The following SORCS2 variants were observed in gnomAD, a reference collection of about 807,000 sequenced individuals.
SORCS2 encodes the protein VPS10 domain-containing receptor SorCS2.
A neutral mutation model predicts 141.6 loss-of-function variants in SORCS2; 100 were observed. That is an observed-to-expected ratio of 0.71 (90% CI 0.60 to 0.83). The LOEUF (loss-of-function observed/expected upper bound fraction) is 0.83. SORCS2 is among the 40% of genes least tolerant of loss of function. The probability of loss-of-function intolerance (pLI) is 0.00; values close to 1 mark genes in which losing one functional copy is unlikely to be tolerated. For synonymous variants in SORCS2, 789 were observed against 676.9 expected (o/e 1.17, Z -2.57); for missense variants, 1,646 against 1,560.2 (o/e 1.05, Z -0.93).
chr4:7,681,205 C>A (rs528392353), intron 9 of SORCS2, among the ~76,000 whole-genome samples: 2 of 152,102 alleles, frequency 1.3e-5, no homozygotes, highest in Admixed American at 1.3e-4. Flanking sequence ...GGCCACATCC[C>A]GAGCCCCAGA....
rs992526732 is a variant in SORCS2 at position 7,531,406 on chromosome 4, T to C, written c.549-124T>C. The C allele has an allele frequency of 1.9e-5, 15 of 802,164 alleles. No individual in the cohort carries two copies. In the African/African-American group the frequency reaches 2.6e-4, roughly 14 times the overall value. 49.7% of individuals were successfully genotyped at this position (802,164 alleles called of 1,614,324 possible). ...TGCCCCCAGGCAGAGTGCCCAGGAC[T>C]GTACTCAGGGTGTCTGGGGCACTCG... On this transcript the variant is annotated intron_variant, in intron 2 of 26. Transcript: ENST00000507866.
intron 3 of SORCS2, among the ~76,000 whole-genome samples, chr4:7,633,755 A>G (rs975049284): frequency 1.3e-5 from 2 of 152,186 alleles, no homozygotes; most frequent in African/African-American, 2.4e-5. Flanking sequence ...CTGAGATGGC[A>G]TTGTTCATTC....
intron 1 of SORCS2, among the ~76,000 whole-genome samples, chr4:7,221,548 G>A (rs1439307897): frequency 1.3e-5 from 2 of 152,254 alleles, no homozygotes; most frequent in Non-Finnish European, 2.9e-5. Context: ...GAGCAGAACT[G>A]TTGCAGCCAC....
At chr4:7,387,771 TGC>T (rs1391295548) in intron 1 of SORCS2, among the ~76,000 whole-genome samples, 1 of 130,148 alleles carries the variant, frequency 7.7e-6, no homozygotes, top group Non-Finnish European at 1.6e-5. Flanking sequence ...AATACACACA[TGC>T]ACACACACAT....
intron 14 of SORCS2, among the ~76,000 whole-genome samples, chr4:7,707,043 G>T (rs1654965175): frequency 1.3e-5 from 2 of 152,200 alleles, no homozygotes. Context: ...GAGGTACCTT[G>T]AGCAAAACCT....
At chr4:7,435,236 CACTGTCCTCTCCTG>C (rs1188885618) in intron 2 of SORCS2, among the ~76,000 whole-genome samples, 1 of 152,186 alleles carries the variant, frequency 6.6e-6, no homozygotes, top group Non-Finnish European at 1.5e-5. Flanking sequence ...CCCTGCAGCT[CACTGTCCTCTCCTG>C]ACTTGTGTGG....
chr4:7,651,875 G>T (rs547735084), intron 4 of SORCS2, among the ~76,000 whole-genome samples: 1 of 152,336 alleles, frequency 6.6e-6, no homozygotes, highest in East Asian at 1.9e-4. Context: ...GACTCGGAAG[G>T]CACATTCTTC....
At chr4:7,370,336 A>T (rs1273542613) in intron 1 of SORCS2, among the ~76,000 whole-genome samples, 3 of 152,118 alleles carry the variant, frequency 2.0e-5, no homozygotes, top group African/African-American at 7.2e-5. Context: ...GGCAGAGGAG[A>T]TCTGGGCCCC....
chr4:7,604,546 G>T (rs553146511), intron 3 of SORCS2, among the ~76,000 whole-genome samples: 1 of 152,146 alleles, frequency 6.6e-6, no homozygotes, highest in African/African-American at 2.4e-5. Flanking sequence ...CTCCATCCCC[G>T]CCTCGGCCTC....
intron 1 of SORCS2, among the ~76,000 whole-genome samples, chr4:7,255,283 G>C (rs1713779875): frequency 6.6e-6 from 1 of 152,096 alleles, no homozygotes; most frequent in Non-Finnish European, 1.5e-5. Flanking sequence ...GCTAAGCAGG[G>C]AGAGCTTCCT....
intron 3 of SORCS2, among the ~76,000 whole-genome samples, chr4:7,628,665 G>A (rs1719680777): frequency 6.6e-6 from 1 of 152,114 alleles, no homozygotes; most frequent in Non-Finnish European, 1.5e-5. Context: ...CCCTGACCAT[G>A]TGGCCTCGTG....
intron 1 of SORCS2, among the ~76,000 whole-genome samples, chr4:7,368,891 C>T (rs548876879): frequency 1.3e-5 from 2 of 152,258 alleles, no homozygotes; most frequent in South Asian, 4.1e-4. Context: ...GAGAGTCTCA[C>T]GAGATCTGAT....
Position 7,711,349 on chromosome 4 carries a change from C to T in SORCS2, c.1869-1384C>T, listed in dbSNP as rs548811773. On this transcript the variant is annotated intron_variant, in intron 14 of 26. Transcript: ENST00000507866. The stretch of plus-strand genomic sequence containing the variant: ...AAATACCCTACAAAACCTCTTTCAA[C>T]ACCTCCCTAGAATGGGGTTGTCCTT... Among the ~76,000 whole-genome samples the T allele has an allele frequency of 5.9e-5, 9 of 152,350 alleles. No homozygotes were observed. The South Asian group carries it at 1.7e-3, about 28-fold the overall frequency.
intron 1 of SORCS2, among the ~76,000 whole-genome samples, chr4:7,392,883 T>C (rs987618231): frequency 1.7e-5 from 2 of 120,038 alleles, no homozygotes; most frequent in Admixed American, 9.4e-5. Flanking sequence ...AACAGTAATA[T>C]GGGCCCCTCC....
At chr4:7,709,182 C>T (rs1218780477) in intron 14 of SORCS2, among the ~76,000 whole-genome samples, 3 of 152,198 alleles carry the variant, frequency 2.0e-5, no homozygotes, top group African/African-American at 4.8e-5. Flanking sequence ...GGCCAGAACC[C>T]GCAGAGCCGC....
At chr4:7,276,768 C>T (rs1287292782) in intron 1 of SORCS2, among the ~76,000 whole-genome samples, 3 of 152,172 alleles carry the variant, frequency 2.0e-5, no homozygotes, top group Non-Finnish European at 2.9e-5. Context: ...TGTCTACTTC[C>T]CCTCCGGAAC....
At chr4:7,736,918 A>T in intron 25 of SORCS2, 151 bp from the exon 26 acceptor site, 1 of 932,956 alleles carries the variant, frequency 1.1e-6, no homozygotes, top group Non-Finnish European at 1.6e-6. Context: ...ATGGGGCAGG[A>T]GGCAAAACTT....
intron 1 of SORCS2, among the ~76,000 whole-genome samples, chr4:7,394,116 G>T (rs770602945): frequency 6.6e-6 from 1 of 152,162 alleles, no homozygotes. Flanking sequence ...CCAGTAGAAC[G>T]ATTCTGTCCC....
At chr4:7,404,354 C>T (rs1419344081) in intron 2 of SORCS2, among the ~76,000 whole-genome samples, 1 of 152,062 alleles carries the variant, frequency 6.6e-6, no homozygotes, top group East Asian at 1.9e-4. Flanking sequence ...CCCTTTTCCT[C>T]TGGGTAGGTA....
Sources: gnomAD v4.1 joint callset for allele counts (sites outside exome capture counted in the v4.1 genomes callset) on GRCh38, gnomAD v4.1.1 for gene constraint, MANE v1.5 for transcripts, NCBI Gene and HGNC (gene_info 2026-07-23, HGNC 2026-07-21) for gene names.